The following NAV2 variants were observed in gnomAD, a reference collection of about 807,000 sequenced individuals.
NAV2 encodes the protein helicase, APC down-regulated 1.
In NAV2, 54 loss-of-function variants were observed where a neutral mutation model predicts 223.2. That is an observed-to-expected ratio of 0.24 (90% confidence interval 0.19 to 0.30). The LOEUF is 0.30. Ranked by LOEUF, NAV2 falls within the 10% of genes least tolerant of loss-of-function variation. The probability of loss-of-function intolerance (pLI) is 1.00; values close to 1 mark genes in which losing one functional copy is unlikely to be tolerated. For missense variants in NAV2, 2,806 were observed against 3,147.5 expected (o/e 0.89, Z 2.60); for synonymous variants, 1,279 against 1,239.3 (o/e 1.03, Z -0.67).
intron 11 of NAV2, among the ~76,000 whole-genome samples, chr11:20,026,549 A>G (rs2055096227): frequency 6.6e-6 from 1 of 152,080 alleles, no homozygotes; most frequent in South Asian, 2.1e-4. Flanking sequence ...TGACCTCGTG[A>G]TCCACCCGCC....
At chr11:19,632,219 C>A (rs187778594) in intron 1 of NAV2, among the ~76,000 whole-genome samples, 2 of 152,150 alleles carry the variant, frequency 1.3e-5, no homozygotes, top group African/African-American at 2.4e-5. Flanking sequence ...CGGTTTGGTG[C>A]GGTACAAAGA....
chr11:19,803,599 A>G (rs76152687), intron 1 of NAV2, among the ~76,000 whole-genome samples: 1,644 of 152,350 alleles, frequency 0.011, 48 homozygotes, highest in African/African-American at 0.038. Context: ...CTTCATTGAG[A>G]TGCTGCATAT....
At chr11:19,456,059 G>C (rs998695009) in intron 1 of NAV2, among the ~76,000 whole-genome samples, 13 of 152,202 alleles carry the variant, frequency 8.5e-5, no homozygotes. Context: ...TTCAGGGTTT[G>C]AGCACCAAGG....
intron 36 of NAV2, among the ~76,000 whole-genome samples, chr11:20,112,744 G>A (rs969239359): frequency 5.3e-5 from 8 of 152,194 alleles, no homozygotes; most frequent in South Asian, 2.1e-4. Flanking sequence ...GGTTCAAATC[G>A]GGCTCTGCCT....
intron 5 of NAV2, among the ~76,000 whole-genome samples, chr11:19,889,258 T>A (rs762053531): frequency 6.6e-6 from 1 of 152,210 alleles, no homozygotes; most frequent in Admixed American, 6.5e-5. Context: ...TTATGGCCTT[T>A]GTTTGTGAAC....
At chr11:19,879,574 G>A (rs138296349) in intron 4 of NAV2, among the ~76,000 whole-genome samples, 14 of 152,284 alleles carry the variant, frequency 9.2e-5, no homozygotes, top group Non-Finnish European at 2.1e-4. Flanking sequence ...TGTAGAACAA[G>A]CACGGTCTTG....
At chr11:19,419,015 T>C (rs1032042982) in intron 1 of NAV2, among the ~76,000 whole-genome samples, 2 of 151,998 alleles carry the variant, frequency 1.3e-5, no homozygotes, top group East Asian at 3.9e-4. Context: ...AGTGCAGTAA[T>C]AGGGACTCAA....
intron 1 of NAV2, among the ~76,000 whole-genome samples, chr11:19,468,141 T>C (rs887519317): frequency 3.9e-5 from 6 of 152,168 alleles, no homozygotes; most frequent in African/African-American, 7.2e-5. Context: ...AAACTTGGCT[T>C]CCATCCCCAA....
intron 1 of NAV2, among the ~76,000 whole-genome samples, chr11:19,374,518 T>G (rs1848578978): frequency 6.6e-6 from 1 of 152,166 alleles, no homozygotes; most frequent in Admixed American, 6.5e-5. Context: ...ACTCACATAC[T>G]TTAGCAGAAA....
chr11:19,557,848 A>G (rs1462355974), intron 1 of NAV2, among the ~76,000 whole-genome samples: 1 of 152,218 alleles, frequency 6.6e-6, no homozygotes, highest in African/African-American at 2.4e-5. Context: ...AGGCTTGGAC[A>G]GTCAGTGGCC....
intron 6 of NAV2, among the ~76,000 whole-genome samples, chr11:19,902,892 G>A (rs537155187): frequency 2.8e-4 from 42 of 151,926 alleles, no homozygotes; most frequent in South Asian, 2.1e-3. Context: ...TAACATTTCT[G>A]TGAGCATATG....
intron 11 of NAV2, among the ~76,000 whole-genome samples, chr11:19,987,224 T>C (rs994113413): frequency 1.3e-5 from 2 of 152,208 alleles, no homozygotes; most frequent in African/African-American, 4.8e-5. Flanking sequence ...TCGATAATAC[T>C]GTTCTTGTCC....
At chr11:20,009,117 C>T (rs1424090223) in intron 11 of NAV2, among the ~76,000 whole-genome samples, 2 of 152,038 alleles carry the variant, frequency 1.3e-5, no homozygotes, top group African/African-American at 2.4e-5. Context: ...TGGTCTGTAA[C>T]GGGGAGAGAT....
chr11:19,842,164 C>T lies in NAV2; in HGVS notation c.386-707C>T, dbSNP rs564268450. Among the ~76,000 whole-genome samples, 82 of 152,292 alleles carry T rather than the reference C, an allele frequency of 5.4e-4. 1 individual carries two copies. The highest frequency in any genetic ancestry group is 1.9e-3 in the African/African-American group (78 of 41,562). On this transcript the variant is annotated intron_variant, in intron 2 of 37. Coordinates refer to ENST00000349880, the MANE Select transcript of NAV2 (RefSeq NM_145117.5). ...TATGCCAGGGACTCCTCCATACTTACGATGAACTGCATTCACCCAGGGAAG... is the reference window on the plus strand; with the variant it reads ...TATGCCAGGGACTCCTCCATACTTATGATGAACTGCATTCACCCAGGGAAG...
intron 6 of NAV2, among the ~76,000 whole-genome samples, chr11:19,932,236 C>CAAAAAAAAAAAAAAA (rs398015484): frequency 1.3e-5 from 1 of 78,978 alleles, no homozygotes; most frequent in Non-Finnish European, 2.1e-5. Context: ...CACTCTTAAG[C>CAAAAAAAAAAAAAAA]AAAAAAAAAA....
At chr11:19,605,789 A>C (rs1052913949) in intron 1 of NAV2, among the ~76,000 whole-genome samples, 3 of 152,184 alleles carry the variant, frequency 2.0e-5, no homozygotes, top group African/African-American at 7.2e-5. Context: ...ATTTCTTTTC[A>C]TCAGATTTGG....
chr11:19,749,541 A>C (rs1413941877), intron 1 of NAV2, among the ~76,000 whole-genome samples: 1 of 152,204 alleles, frequency 6.6e-6, no homozygotes, highest in African/African-American at 2.4e-5. Flanking sequence ...ATTTCCCTGG[A>C]TGTCAAGACG....
intron 10 of NAV2, among the ~76,000 whole-genome samples, chr11:19,975,688 T>C (rs1425866084): frequency 2.0e-5 from 3 of 152,178 alleles, no homozygotes; most frequent in Non-Finnish European, 2.9e-5. Context: ...GTAACGTGAA[T>C]TGTAGCAATG....
intron 1 of NAV2, among the ~76,000 whole-genome samples, chr11:19,396,130 G>T (rs995832487): frequency 6.6e-6 from 1 of 152,162 alleles, no homozygotes; most frequent in Non-Finnish European, 1.5e-5. Flanking sequence ...AAATGATGAT[G>T]GTTGTTGTGA....
Sources: allele counts gnomAD v4.1 joint callset (sites outside exome capture counted in the v4.1 genomes callset), GRCh38; gene constraint gnomAD v4.1.1; transcripts MANE v1.5; gene names NCBI Gene and HGNC (gene_info 2026-07-23, HGNC 2026-07-21).